Variants in TFPI observed in about 807,000 individuals in gnomAD.
TFPI encodes the protein tissue factor pathway inhibitor, also known as anti-convertin.
Under a neutral mutation model 34.6 loss-of-function variants are expected in TFPI, and 15 were observed. The observed-to-expected ratio is 0.43, with a 90% CI of 0.29 to 0.67. The LOEUF is 0.67. TFPI is among the 30% of genes least tolerant of loss of function. TFPI has a pLI of 0.15. For synonymous variants in TFPI, 105 were observed against 120.1 expected, an observed-to-expected ratio of 0.87 and a Z score of 0.82; for missense variants, 301 against 364.0, an observed-to-expected ratio of 0.83 and a Z score of 1.41.
chr2:187,470,750 A>G (rs970455668), intron 6 of TFPI, among the ~76,000 whole-genome samples: 1 of 152,222 alleles, frequency 6.6e-6, no homozygotes, highest in African/African-American at 2.4e-5. Flanking sequence ...ATGCCAGCAG[A>G]GAAAACTTCA....
chr2:187,542,856 G>C (rs1274416919), intron 1 of TFPI, among the ~76,000 whole-genome samples: 1 of 107,944 alleles, frequency 9.3e-6, no homozygotes, highest in Non-Finnish European at 1.8e-5. Context: ...GACAGGGTGA[G>C]ACTTAGTCTC....
At chr2:187,546,593 A>G (rs893674351) in intron 1 of TFPI, 10 of 152,146 alleles carry the variant, frequency 6.6e-5, no homozygotes, top group African/African-American at 1.9e-4. Flanking sequence ...AGAGGAAAAA[A>G]AAAGAATAAT....
intron 1 of TFPI, chr2:187,544,748 CCTTA>C (rs1327163674): frequency 8.6e-5 from 13 of 152,012 alleles, no homozygotes; most frequent in African/African-American, 2.2e-4. Flanking sequence ...AATTTCTTAA[CCTTA>C]CTTCATGAAT....
At chr2:187,502,882 C>T (rs190130554) in intron 2 of TFPI, among the ~76,000 whole-genome samples, 1 of 152,228 alleles carries the variant, frequency 6.6e-6, no homozygotes, top group Non-Finnish European at 1.5e-5. Context: ...GCTATTAAAG[C>T]TATCAAATAA....
chr2:187,467,347 T>C (rs1263709717), intron 7 of TFPI, among the ~76,000 whole-genome samples: 3 of 151,996 alleles, frequency 2.0e-5, no homozygotes, highest in Non-Finnish European at 4.4e-5. Context: ...TTGATTAAGT[T>C]ACAGATAGTT....
intron 6 of TFPI, among the ~76,000 whole-genome samples, chr2:187,474,609 A>G (rs568023966): frequency 1.3e-5 from 2 of 152,296 alleles, no homozygotes; most frequent in South Asian, 4.1e-4. Flanking sequence ...CTAATAGAGA[A>G]GAATATAAAA....
intron 1 of TFPI, among the ~76,000 whole-genome samples, chr2:187,509,078 C>G (rs575699574): frequency 3.9e-5 from 6 of 152,182 alleles, no homozygotes; most frequent in African/African-American, 1.4e-4. Context: ...CATTGGTTCT[C>G]TTTATGTGAT....
chr2:187,536,286 G>C lies in TFPI; in HGVS notation c.-3+17914C>G, dbSNP rs1462639941. Among the ~76,000 whole-genome samples, 3 of 152,194 alleles carry C rather than the reference G, an allele frequency of 2.0e-5. No individual in the cohort carries two copies. In the East Asian group the frequency reaches 5.8e-4, roughly 29 times the overall value. ...CCTGGCAGAGACACATGCACAAAAA[G>C]AAAAATTCAGGCCAATATCCCTGAT... is the stretch of plus-strand genomic sequence containing the variant. On this transcript the variant is annotated intron_variant, in intron 1 of 7. Coordinates refer to ENST00000233156, the MANE Select transcript of TFPI (RefSeq NM_006287.6).
intron 3 of TFPI, among the ~76,000 whole-genome samples, chr2:187,489,605 A>T (rs1684970729): frequency 6.6e-6 from 1 of 151,580 alleles, no homozygotes; most frequent in Admixed American, 6.6e-5. Context: ...CTAGAACACT[A>T]AGCAATTTTC....
intron 7 of TFPI, 83 bp from the exon 8 acceptor site, chr2:187,467,125 T>C: frequency 1.1e-6 from 1 of 897,342 alleles, no homozygotes; most frequent in Non-Finnish European, 1.7e-6. Flanking sequence ...AAAGTAACTT[T>C]TAATATTTAA....
At chr2:187,497,158 T>C (rs1180909682) in intron 2 of TFPI, 80 bp from the exon 3 acceptor site, 10 of 1,285,846 alleles carry the variant, frequency 7.8e-6, no homozygotes, top group Non-Finnish European at 9.6e-6. Flanking sequence ...TTTTAATATG[T>C]CCTGATTTTA....
At chr2:187,499,719 T>A (rs1218659693) in intron 2 of TFPI, 2 of 150,452 alleles carry the variant, frequency 1.3e-5, no homozygotes, top group African/African-American at 4.9e-5. Context: ...AGAATTCACA[T>A]AACAAAGCAG....
intron 6 of TFPI, among the ~76,000 whole-genome samples, chr2:187,480,202 T>G (rs1049377651): frequency 2.0e-5 from 3 of 152,066 alleles, no homozygotes; most frequent in Non-Finnish European, 4.4e-5. Context: ...AGAGACTTTA[T>G]GAGTGTCTGA....
chr2:187,544,691 C>T (rs2106316929), intron 1 of TFPI: 1 of 150,658 alleles, frequency 6.6e-6, no homozygotes, highest in African/African-American at 2.4e-5. Context: ...TTGGATTTGG[C>T]TCTTTTTACA....
At chr2:187,483,260 T>G (rs1206654441) in intron 6 of TFPI, among the ~76,000 whole-genome samples, 2 of 151,970 alleles carry the variant, frequency 1.3e-5, no homozygotes, top group Non-Finnish European at 2.9e-5. Context: ...TTTCTTTTTT[T>G]TTTATTATTA....
chr2:187,540,229 AC>A (rs1339352583), intron 1 of TFPI, among the ~76,000 whole-genome samples: 6 of 152,048 alleles, frequency 3.9e-5, no homozygotes, highest in African/African-American at 1.4e-4. Flanking sequence ...ATAACCCTTA[AC>A]TATTTGAGCT....
intron 1 of TFPI, chr2:187,527,186 A>T (rs574819426): frequency 8.5e-5 from 13 of 152,354 alleles, no homozygotes; most frequent in African/African-American, 2.9e-4. Flanking sequence ...AAGGGGAACA[A>T]CAAACTCTAC....
chr2:187,491,675 T>A (rs1685132029), intron 3 of TFPI, among the ~76,000 whole-genome samples: 1 of 152,172 alleles, frequency 6.6e-6, no homozygotes, highest in African/African-American at 2.4e-5. Flanking sequence ...CAAGTACAGT[T>A]ATCTTTCTGA....
intron 6 of TFPI, among the ~76,000 whole-genome samples, chr2:187,478,377 A>G (rs1388136986): frequency 6.6e-6 from 1 of 152,168 alleles, no homozygotes; most frequent in Non-Finnish European, 1.5e-5. Flanking sequence ...AGCAACAACA[A>G]AAAACAAAAC....
Sources: gnomAD v4.1 joint callset for allele counts (sites outside exome capture counted in the v4.1 genomes callset) on GRCh38, gnomAD v4.1.1 for gene constraint, MANE v1.5 for transcripts, NCBI Gene and HGNC (gene_info 2026-07-23, HGNC 2026-07-21) for gene names.